Variants in ZCCHC4 observed in about 807,000 individuals in gnomAD.
The protein encoded by ZCCHC4 is rRNA N(6)-adenosine-methyltransferase ZCCHC4.
ZCCHC4 carries 54 observed loss-of-function variants against 67.7 expected under a neutral mutation model. The ratio of observed to expected loss-of-function variants is 0.80; its 90% CI spans 0.64 to 1.00. The LOEUF (loss-of-function observed/expected upper bound fraction) is 1.00. Among genes scored for constraint, ZCCHC4 ranks in the 50% least tolerant of loss-of-function variants. The pLI, the probability that ZCCHC4 is intolerant of heterozygous loss-of-function variation, is 0.00. For synonymous variants in ZCCHC4, 198 were observed against 213.5 expected (o/e 0.93, Z 0.63); for missense variants, 609 against 617.0 (o/e 0.99, Z 0.14).
At position 25,369,342 on chromosome 4, in the gene ZCCHC4, G is replaced by A. The variant is rs941070671; in HGVS notation, c.*178G>A. The A allele has an allele frequency of 8.7e-6, 6 of 689,824 alleles. No individual in the cohort carries two copies. The highest frequency in any genetic ancestry group is 1.4e-5 in the Non-Finnish European group (6 of 432,664). The allele number at this position is 689,824 out of a possible 1,614,324, so 42.7% of individuals were successfully genotyped here. On this transcript the variant is annotated 3_prime_UTR_variant, in exon 13 of 13. Coordinates refer to ENST00000302874, the MANE Select transcript of ZCCHC4 (RefSeq NM_024936.3). The stretch of plus-strand genomic sequence containing the variant: ...CCCTTATCTGCCTCTCTGGAGACAT[G>A]GGGAGTTGTTCCATCTTCAGCCAGT...
intron 6 of ZCCHC4, among the ~76,000 whole-genome samples, chr4:25,347,066 A>G (rs1720060053): frequency 6.6e-6 from 1 of 152,212 alleles, no homozygotes; most frequent in Non-Finnish European, 1.5e-5. Context: ...ATATTGATGT[A>G]GGGGTGTCCC....
At chr4:25,327,059 GCTTA>G (rs752775483) in intron 3 of ZCCHC4, among the ~76,000 whole-genome samples, 22 of 152,284 alleles carry the variant, frequency 1.4e-4, no homozygotes, top group Non-Finnish European at 2.6e-4. Flanking sequence ...ATCTTGATAA[GCTTA>G]CTTACTAGTT....
At chr4:25,351,179 T>C (rs1408465044) in intron 7 of ZCCHC4, among the ~76,000 whole-genome samples, 1 of 152,196 alleles carries the variant, frequency 6.6e-6, no homozygotes, top group Non-Finnish European at 1.5e-5. Flanking sequence ...CCCTGAAAAC[T>C]AAGATAATGA....
chr4:25,315,579 C>G (rs1362388207), intron 3 of ZCCHC4, among the ~76,000 whole-genome samples, 179 bp downstream of exon 3: 1 of 152,100 alleles, frequency 6.6e-6, no homozygotes, highest in African/African-American at 2.4e-5. Flanking sequence ...TAAGTACATT[C>G]ATGTTGTTGT....
chr4:25,315,037 T>C (rs1718181574), intron 2 of ZCCHC4, among the ~76,000 whole-genome samples: 1 of 152,178 alleles, frequency 6.6e-6, no homozygotes, highest in South Asian at 2.1e-4. Flanking sequence ...ACCACTCTTC[T>C]GCAGACCCAT....
At chr4:25,314,201 G>C in intron 2 of ZCCHC4, 37 bp downstream of exon 2, 4 of 1,397,312 alleles carry the variant, frequency 2.9e-6, no homozygotes, top group Non-Finnish European at 4.0e-6. Context: ...TTTTATTTTT[G>C]GTATGTGTGA....
At chr4:25,318,382 G>A (rs1468546883) in intron 3 of ZCCHC4, among the ~76,000 whole-genome samples, 1 of 58,568 alleles carries the variant, frequency 1.7e-5, no homozygotes, top group Non-Finnish European at 3.4e-5. Context: ...TTGAGCTACA[G>A]TTTCACTCTT....
In ZCCHC4 at chr4:25,365,185, T is replaced by C. The variant is rs777150482; in HGVS notation, c.1406+19T>C. 9 of 1,612,752 alleles carry C rather than the reference T, an allele frequency of 5.6e-6. No individual in the cohort carries two copies. Among genetic ancestry groups the C allele is most frequent in the Non-Finnish European group, 7.6e-6 (9 of 1,179,326 alleles). ...CTAACAAGTCAGTCGAATACTTTACTAGAAAAATGTATTCCATCTGTGTTT... is the reference window on the plus strand; with the variant it reads ...CTAACAAGTCAGTCGAATACTTTACCAGAAAAATGTATTCCATCTGTGTTT... On this transcript the variant is annotated intron_variant, in intron 12 of 12. Coordinates refer to ENST00000302874, the MANE Select transcript of ZCCHC4 (RefSeq NM_024936.3).
chr4:25,319,154 C>T (rs1035294670), intron 3 of ZCCHC4, among the ~76,000 whole-genome samples: 28 of 152,204 alleles, frequency 1.8e-4, no homozygotes, highest in Middle Eastern at 3.4e-3. Context: ...GAGGCCTAGG[C>T]GGGTGGATCA....
At chr4:25,322,694 T>C (rs1203184289) in intron 3 of ZCCHC4, among the ~76,000 whole-genome samples, 2 of 152,010 alleles carry the variant, frequency 1.3e-5, no homozygotes, top group Non-Finnish European at 2.9e-5. Flanking sequence ...ATTTTTGTAT[T>C]TTTAGTAGAG....
rs1227541024 is a variant in ZCCHC4 at position 25,369,642 on chromosome 4, C to A, written c.*478C>A. 6.5e-6 allele frequency: 1 copy of A among 154,720 alleles called. No individual in the cohort carries two copies. Among genetic ancestry groups the A allele is most frequent in the African/African-American group, 2.4e-5 (1 of 41,444 alleles). 9.6% of individuals were successfully genotyped at this position (154,720 alleles called of 1,614,324 possible). On this transcript the variant is annotated 3_prime_UTR_variant, in exon 13 of 13. Transcript: ENST00000302874. The stretch of plus-strand genomic sequence containing the variant: ...AGAGACGGGGTTTCACCATGTTGGC[C>A]AGGCTGGTCTCGAACTCCTGGCCTC...
intron 6 of ZCCHC4, among the ~76,000 whole-genome samples, chr4:25,345,978 G>A (rs190093180): frequency 2.0e-5 from 3 of 152,104 alleles, no homozygotes; most frequent in African/African-American, 2.4e-5. Flanking sequence ...CCTTTCCACC[G>A]CAGGGAAGGT....
At chr4:25,367,968 A>T (rs927240430) in intron 12 of ZCCHC4, among the ~76,000 whole-genome samples, 1 of 152,206 alleles carries the variant, frequency 6.6e-6, no homozygotes, top group African/African-American at 2.4e-5. Context: ...AAAAGTAGGG[A>T]TAGAGAGGGG....
In ZCCHC4 at chr4:25,369,110, T is replaced by C; in HGVS notation, c.1488T>C (p.Ser496=). 5.0e-6 allele frequency: 8 copies of C among 1,613,998 alleles called. No homozygotes were observed. Among genetic ancestry groups the C allele is most frequent in the Non-Finnish European group, 5.9e-6 (7 of 1,180,002 alleles). Reference sequence around the variant, plus strand: ...AAGGACAATCCATGAATCATACATCTGCTACAAGGAGAAAGAAAAGGAGGG... The same window carrying C: ...AAGGACAATCCATGAATCATACATCCGCTACAAGGAGAAAGAAAAGGAGGG... ...TTKGQSMNHT[S]ATRRKKRRER... Residue 496 remains serine, a synonymous_variant, in exon 13 of 13, where the codon TCT becomes TCC. Coordinates refer to ENST00000302874, the MANE Select transcript of ZCCHC4 (RefSeq NM_024936.3).
At position 25,315,400 on chromosome 4, in the gene ZCCHC4, G is replaced by T. The variant is rs543977363; in HGVS notation, c.329G>T (p.Arg110Met). The T allele has an allele frequency of 3.0e-5, 48 of 1,600,178 alleles. No individual in the cohort carries two copies. The highest frequency in any genetic ancestry group is 3.8e-5 in the Non-Finnish European group (45 of 1,173,914). The change falls in exon 3 of 13, where the codon AGG becomes ATG. Residue 110 changes from arginine (R) to methionine (M), a missense_variant and splice_region_variant. Arg to Met is a moderately conservative substitution (Grantham distance 91). Coordinates refer to ENST00000302874, the MANE Select transcript of ZCCHC4 (RefSeq NM_024936.3). The part of the protein sequence containing the change: ...PPLSRTQCVE[R>M]YLKFIELPLT... ...CTGTCCCGAACGCAGTGTGTGGAAA[G>T]GTACTGATGCAGTGTCATTTTTCTT... is the stretch of plus-strand genomic sequence containing the variant.
chr4:25,368,417 G>A (rs889728617), intron 12 of ZCCHC4, among the ~76,000 whole-genome samples: 4 of 152,188 alleles, frequency 2.6e-5, no homozygotes, highest in Non-Finnish European at 4.4e-5. Flanking sequence ...GTCTGGTGTG[G>A]TTCAGTGTTT....
Position 25,349,473 on chromosome 4 carries a change from G to C in ZCCHC4, c.760-19G>C. ...CTCTCTCTAGTCCTAATTTAGAAAT[G>C]AATTTTTATTTGTTCCAGACTGCCC... is the stretch of plus-strand genomic sequence containing the variant. On this transcript the variant is annotated intron_variant, in intron 6 of 12. Transcript: ENST00000302874. 6.2e-7 allele frequency: 1 copy of C among 1,611,558 alleles called. No individual in the cohort carries two copies. The highest frequency in any genetic ancestry group is 8.5e-7 in the Non-Finnish European group (1 of 1,178,710).
rs61393898 is a variant in ZCCHC4, at chr4:25,336,706, T to C, written c.686+2718T>C. The stretch of plus-strand genomic sequence containing the variant: ...TTCACCATGTTGGCCAGGCTGATCT[T>C]GAACTCCTGACCTCAAGTGATCTAC... On this transcript the variant is annotated intron_variant, in intron 5 of 12. Transcript: ENST00000302874. Among the ~76,000 whole-genome samples the C allele has an allele frequency of 6.8e-3, 1,030 of 152,274 alleles. 9 individuals carry two copies. The highest frequency in any genetic ancestry group is 0.023 in the African/African-American group (966 of 41,558).
Position 25,333,342 on chromosome 4 carries a change from A to G in ZCCHC4, c.489A>G (p.Pro163=), listed in dbSNP as rs1452770918. The G allele has an allele frequency of 6.2e-7, 1 of 1,614,096 alleles. No homozygotes were observed. The highest frequency in any genetic ancestry group is 1.1e-5 in the South Asian group (1 of 91,076). ...QLRRPSQLLY[P]LENKKTNAQY... ...GAAGGCCCAGTCAACTCCTTTATCC[A>G]CTGGAAAACAAGAAGACAAATGCCC... is the stretch of plus-strand genomic sequence containing the variant. The change falls in exon 4 of 13, where the codon CCA becomes CCG. Residue 163 remains proline (P), a synonymous_variant. Coordinates refer to ENST00000302874, the MANE Select transcript of ZCCHC4 (RefSeq NM_024936.3).
Sources: allele counts gnomAD v4.1 joint callset (sites outside exome capture counted in the v4.1 genomes callset), GRCh38; gene constraint gnomAD v4.1.1; transcripts MANE v1.5; gene names NCBI Gene and HGNC (gene_info 2026-07-23, HGNC 2026-07-21).